The following MRTFB variants were observed in gnomAD, a reference collection of about 807,000 sequenced individuals.
The protein encoded by MRTFB is myocardin related transcription factor B, also known as myocardin-related transcription factor B.
In MRTFB, 29 loss-of-function variants were observed where a neutral mutation model predicts 104.2. The ratio of observed to expected loss-of-function variants is 0.28; its 90% CI spans 0.21 to 0.38. The LOEUF is 0.38. MRTFB is among the 10% of genes least tolerant of loss of function. The pLI, the probability that MRTFB is intolerant of heterozygous loss-of-function variation, is 1.00. For synonymous variants in MRTFB, 535 were observed against 519.5 expected, an observed-to-expected ratio of 1.03 and a Z score of -0.41; for missense variants, 1,270 against 1,341.6, an observed-to-expected ratio of 0.95 and a Z score of 0.83.
At chr16:14,246,169 G>A (rs956102980) in intron 11 of MRTFB, among the ~76,000 whole-genome samples, 2 of 152,130 alleles carry the variant, frequency 1.3e-5, no homozygotes, top group African/African-American at 2.4e-5. Flanking sequence ...AAAGTGTCTT[G>A]CACAAGGCAA....
At chr16:14,019,490 T>C in the MRTFB span, 1 of 152,212 alleles carries the variant, frequency 6.6e-6, no homozygotes, top group African/African-American at 2.4e-5. Flanking sequence ...GGTTGACACA[T>C]AAAATTAACC....
At chr16:14,144,825 T>G (rs1186683229) in intron 3 of MRTFB, 3 of 151,330 alleles carry the variant, frequency 2.0e-5, no homozygotes, top group Non-Finnish European at 4.4e-5. Flanking sequence ...GGCGGGTGCC[T>G]GTAGTCTCAG....
the MRTFB span, among the ~76,000 whole-genome samples, chr16:14,060,872 C>T: frequency 7.9e-5 from 12 of 152,002 alleles, no homozygotes; most frequent in East Asian, 1.9e-4. Context: ...TTTGGCCGGG[C>T]GCGGTGGCTC....
chr16:14,006,544 T>C, the MRTFB span, among the ~76,000 whole-genome samples: 3 of 151,152 alleles, frequency 2.0e-5, no homozygotes, highest in Admixed American at 1.3e-4. Flanking sequence ...AGAATTATAG[T>C]TGAAGCAGCC....
chr16:14,236,342 C>T (rs528212606), intron 9 of MRTFB, among the ~76,000 whole-genome samples: 9 of 152,286 alleles, frequency 5.9e-5, no homozygotes, highest in African/African-American at 1.4e-4. Flanking sequence ...AAGTGATTTC[C>T]AATTAGCATG....
chr16:14,213,869 C>G (rs562367794), intron 6 of MRTFB, among the ~76,000 whole-genome samples: 2 of 152,304 alleles, frequency 1.3e-5, no homozygotes, highest in Non-Finnish European at 2.9e-5. Context: ...CTCTACCATA[C>G]TGTTCCACTA....
intron 8 of MRTFB, among the ~76,000 whole-genome samples, chr16:14,229,540 A>C (rs1357720476): frequency 1.3e-5 from 2 of 152,230 alleles, no homozygotes; most frequent in Non-Finnish European, 2.9e-5. Context: ...AATTCTAATA[A>C]AGAGGAACAG....
intron 2 of MRTFB, among the ~76,000 whole-genome samples, chr16:14,081,396 G>C (rs950318564): frequency 6.6e-6 from 1 of 150,950 alleles, no homozygotes; most frequent in Non-Finnish European, 1.5e-5. Flanking sequence ...GGATTCAAGC[G>C]ATTCTCCTGC....
At chr16:14,113,522 G>A (rs533987931) in intron 2 of MRTFB, among the ~76,000 whole-genome samples, 13 of 152,346 alleles carry the variant, frequency 8.5e-5, no homozygotes, top group Non-Finnish European at 1.6e-4. Flanking sequence ...CAGAATTCAG[G>A]ATCTAGAGTG....
At chr16:14,133,671 T>G (rs1358839939) in intron 2 of MRTFB, among the ~76,000 whole-genome samples, 1 of 152,182 alleles carries the variant, frequency 6.6e-6, no homozygotes, top group Non-Finnish European at 1.5e-5. Context: ...TACAATATAT[T>G]TTTTATCTGT....
chr16:14,017,705 ATATATATTTTTTTTT>A, the MRTFB span, among the ~76,000 whole-genome samples: 1 of 28,262 alleles, frequency 3.5e-5, no homozygotes, highest in Non-Finnish European at 9.3e-5. Flanking sequence ...ATATATATAT[ATATATATTTTTTTTT>A]TTTTTTTTTT....
At chr16:14,078,864 C>G (rs1168040443) in intron 1 of MRTFB, among the ~76,000 whole-genome samples, 2 of 151,884 alleles carry the variant, frequency 1.3e-5, no homozygotes, top group African/African-American at 2.4e-5. Context: ...TTTAGAGTCC[C>G]CAATGTGGAT....
chr16:14,007,193 C>A, the MRTFB span, among the ~76,000 whole-genome samples: 1 of 152,150 alleles, frequency 6.6e-6, no homozygotes, highest in Admixed American at 6.5e-5. Context: ...AACACGGCCA[C>A]CTTCTCAGCC....
At chr16:14,017,593 GTATATATATATA>G in the MRTFB span, among the ~76,000 whole-genome samples, 4,145 of 58,174 alleles carry the variant, frequency 0.071, 227 homozygotes, top group Non-Finnish European at 0.087. Flanking sequence ...ACTGACTACA[GTATATATATATA>G]TATATATATA....
At chr16:14,133,807 CT>C (rs2037565913) in intron 2 of MRTFB, among the ~76,000 whole-genome samples, 1 of 152,096 alleles carries the variant, frequency 6.6e-6, no homozygotes, top group South Asian at 2.1e-4. Context: ...GGAAATCATC[CT>C]TGCTTAAAAT....
At chr16:14,214,276 T>C (rs2041321527) in intron 6 of MRTFB, among the ~76,000 whole-genome samples, 1 of 152,308 alleles carries the variant, frequency 6.6e-6, no homozygotes, top group African/African-American at 2.4e-5. Context: ...TTTCATTGTT[T>C]TGCTTCTCCA....
At chr16:14,213,386 A>C (rs1490601359) in intron 5 of MRTFB, among the ~76,000 whole-genome samples, 159 bp from the exon 6 acceptor site, 1 of 152,254 alleles carries the variant, frequency 6.6e-6, no homozygotes, top group Non-Finnish European at 1.5e-5. Flanking sequence ...AGTTTAAATC[A>C]TGTGTTGGAT....
chr16:14,203,794 ACT>A (rs1555499179), intron 3 of MRTFB, among the ~76,000 whole-genome samples: 1 of 129,798 alleles, frequency 7.7e-6, no homozygotes, highest in South Asian at 2.5e-4. Flanking sequence ...ACAGAGGAAG[ACT>A]CTGTCTCGAA....
At chr16:14,182,171 G>A (rs1194076011) in intron 3 of MRTFB, among the ~76,000 whole-genome samples, 1 of 152,224 alleles carries the variant, frequency 6.6e-6, no homozygotes, top group Non-Finnish European at 1.5e-5. Context: ...GGATACTGCA[G>A]GTCTCCTCCA....
Sources: gnomAD v4.1 joint callset for allele counts (sites outside exome capture counted in the v4.1 genomes callset) on GRCh38, gnomAD v4.1.1 for gene constraint, MANE v1.5 for transcripts, NCBI Gene and HGNC (gene_info 2026-07-23, HGNC 2026-07-21) for gene names.